Variants in SPRYD3 observed in about 807,000 individuals in gnomAD.
SPRYD3 encodes the protein SPRY domain-containing protein 3.
In SPRYD3, 17 loss-of-function variants were observed where a neutral mutation model predicts 50.1. That is an observed-to-expected ratio of 0.34 (90% CI 0.23 to 0.51). The LOEUF (loss-of-function observed/expected upper bound fraction) is 0.51, where lower values mean the gene tolerates loss of function less well. Among genes scored for constraint, SPRYD3 ranks in the 20% least tolerant of loss-of-function variants. The pLI is 0.97. For synonymous variants in SPRYD3, 198 were observed against 215.5 expected (o/e 0.92, Z 0.71); for missense variants, 401 against 591.2 (o/e 0.68, Z 3.34).
Position 53,079,292 on chromosome 12 carries a change from G to GC in SPRYD3, c.23+18dup. On this transcript the variant is annotated intron_variant, in intron 1 of 10. Transcript: ENST00000301463. Reference sequence around the variant, plus strand: ...GGAGATACGAGGCCTCCGGGACCCCGCCCCCGATCCCCGCCTACCGGGGCC... The same window carrying GC: ...GGAGATACGAGGCCTCCGGGACCCCGCCCCCCGATCCCCGCCTACCGGGGCC... 6.3e-7 allele frequency: 1 copy of GC among 1,596,772 alleles called. No individual in the cohort carries two copies. Among genetic ancestry groups the GC allele is most frequent in the South Asian group, 1.1e-5 (1 of 89,614 alleles).
chr12:53,070,408 A>G (rs1374814951), intron 6 of SPRYD3, among the ~76,000 whole-genome samples: 1 of 152,200 alleles, frequency 6.6e-6, no homozygotes, highest in Non-Finnish European at 1.5e-5. Context: ...TCCTTGGTCT[A>G]TAGCTGTTAG....
intron 10 of SPRYD3, 99 bp from the exon 11 acceptor site, chr12:53,066,065 T>G: frequency 6.8e-7 from 1 of 1,479,468 alleles, no homozygotes; most frequent in Non-Finnish European, 9.2e-7. Flanking sequence ...CACCCCAGCT[T>G]CCAGCGGGGC....
At chr12:53,066,508 G>C (rs1565616557) in intron 9 of SPRYD3, 22 bp from the exon 10 acceptor site, 1 of 1,613,642 alleles carries the variant, frequency 6.2e-7, no homozygotes, top group Admixed American at 1.7e-5. Context: ...GGAAACCTGA[G>C]CTCCTGTGGT....
chr12:53,075,098 C>T lies in SPRYD3; in HGVS notation c.368G>A (p.Gly123Asp), dbSNP rs932007365. 3.1e-6 allele frequency: 5 copies of T among 1,611,672 alleles called. No individual in the cohort carries two copies. The highest frequency in any genetic ancestry group is 4.2e-6 in the Non-Finnish European group (5 of 1,178,024). ...GGTTGCACAGGAGCCAACTCACTTGCCATCATCAGCATGGTAGGCTACAGA... is the reference window on the plus strand; with the variant it reads ...GGTTGCACAGGAGCCAACTCACTTGTCATCATCAGCATGGTAGGCTACAGA... Reference protein sequence around the residue: ...PDSVAYHADDGKLYNGRAKGR... With the variant: ...PDSVAYHADDDKLYNGRAKGR... The change falls in exon 4 of 11, where the codon GGC becomes GAC. Residue 123 changes from glycine to aspartate, a missense_variant. By Grantham distance (94) the Gly-to-Asp change is moderately conservative. Coordinates refer to ENST00000301463, the MANE Select transcript of SPRYD3 (RefSeq NM_032840.3).
chr12:53,074,263 T>C lies in SPRYD3; in HGVS notation c.507+386A>G, dbSNP rs1389877929. Among the ~76,000 whole-genome samples the C allele has an allele frequency of 6.6e-6, 1 of 152,168 alleles. No individual in the cohort carries two copies. The highest frequency in any genetic ancestry group is 6.5e-5 in the Admixed American group (1 of 15,282). On this transcript the variant is annotated intron_variant, in intron 5 of 10. Transcript: ENST00000301463. This position sits in a 1 kb window ranked among gnomAD's most constrained non-coding sequence, Gnocchi z 4.6. ...AGGAAAACAGGACACAGAAAGGACA[T>C]ATCCCCAAAAGTGCTCAAGTCAAAA...
rs1944576303 is a variant in SPRYD3 at position 53,074,778 on chromosome 12, G to A, written c.378C>T (p.Tyr126=). The part of the protein sequence containing the change: ...VAYHADDGKL[Y]NGRAKGRQFG... Reference sequence around the variant, plus strand: ...ACTGGCGGCCCTTGGCTCGGCCATTGTACAGCCTACAGACAGAGTAGTACA... The same window carrying A: ...ACTGGCGGCCCTTGGCTCGGCCATTATACAGCCTACAGACAGAGTAGTACA... The change falls in exon 5 of 11, where the codon TAC becomes TAT. Residue 126 remains tyrosine (Y), a synonymous_variant. Transcript: ENST00000301463. The surrounding 1 kb of genome is among the most constrained non-coding windows in gnomAD (Gnocchi z 4.6). The A allele has an allele frequency of 1.2e-6, 2 of 1,614,082 alleles. No individual in the cohort carries two copies. Among genetic ancestry groups the A allele is most frequent in the South Asian group, 1.1e-5 (1 of 91,090 alleles).
intron 6 of SPRYD3, 22 bp from the exon 7 acceptor site, chr12:53,068,326 G>C (rs1403735236): frequency 1.9e-6 from 3 of 1,612,564 alleles, no homozygotes; most frequent in Non-Finnish European, 2.5e-6. Context: ...GAGCCAGATG[G>C]GGGTCAGGGG....
chr12:53,073,360 C>T lies in SPRYD3; in HGVS notation c.619G>A (p.Asp207Asn), dbSNP rs1334423694. 8.2e-6 allele frequency: 13 copies of T among 1,593,952 alleles called. No individual in the cohort carries two copies. Among genetic ancestry groups the T allele is most frequent in the African/African-American group, 1.3e-5 (1 of 74,348 alleles). Residue 207 changes from aspartate (D) to asparagine (N), a missense_variant, in exon 6 of 11, where the codon GAC becomes AAC. Asp to Asn is a conservative substitution (Grantham distance 23). Coordinates refer to ENST00000301463, the MANE Select transcript of SPRYD3 (RefSeq NM_032840.3). ...LHLNAELGREDDSVMMVDSYE... is the reference protein window; with the variant it reads ...LHLNAELGRENDSVMMVDSYE... The stretch of plus-strand genomic sequence containing the variant: ...CTGTCCACCATCATGACGCTGTCGT[C>T]CTCACGGCCCAGCTCAGCGTTGAGG...
intron 6 of SPRYD3, among the ~76,000 whole-genome samples, chr12:53,072,155 G>A (rs1944554439): frequency 6.6e-6 from 1 of 152,172 alleles, no homozygotes; most frequent in African/African-American, 2.4e-5. Context: ...CTCTGTAGAT[G>A]TTGTCAGAAT....
At position 53,075,208 on chromosome 12, in the gene SPRYD3, C is replaced by T; in HGVS notation, c.258G>A (p.Val86=). Residue 86 remains valine (V), a synonymous_variant, in exon 4 of 11, where the codon GTG becomes GTA. Coordinates refer to ENST00000301463, the MANE Select transcript of SPRYD3 (RefSeq NM_032840.3). The part of the protein sequence containing the change: ...KDSNYFEVSI[V]DSGVRGTIAV... ...CAATGGTGCCCCGGACTCCACTGTC[C>T]ACAATAGACACCTGGAGAGAAGAAA... 1 of 1,605,958 alleles carries T rather than the reference C, an allele frequency of 6.2e-7. No individual in the cohort carries two copies. The highest frequency in any genetic ancestry group is 1.1e-5 in the South Asian group (1 of 90,934).
At chr12:53,066,042 C>T in intron 10 of SPRYD3, 76 bp from the exon 11 acceptor site, 3 of 1,536,380 alleles carry the variant, frequency 2.0e-6, no homozygotes, top group Non-Finnish European at 2.7e-6. Flanking sequence ...GCTCCACAGG[C>T]CTGAACCCCA....
chr12:53,073,255 A>AGGCCCCGGGGGGG, intron 6 of SPRYD3, 31 bp downstream of exon 6: 2 of 383,666 alleles, frequency 5.2e-6, no homozygotes, highest in East Asian at 4.4e-5. Context: ...CCTCCGACCC[A>AGGCCCCGGGGGGG]GCCCCTCCCA....
chr12:53,079,049 C>T (rs1367227567), intron 1 of SPRYD3, among the ~76,000 whole-genome samples: 1 of 152,212 alleles, frequency 6.6e-6, no homozygotes, highest in African/African-American at 2.4e-5. Flanking sequence ...GGCGGCCCTA[C>T]TGGGCCCTGT....
At chr12:53,066,053 A>G in intron 10 of SPRYD3, 87 bp from the exon 11 acceptor site, 5 of 1,509,556 alleles carry the variant, frequency 3.3e-6, no homozygotes, top group South Asian at 1.2e-5. Context: ...CTGAACCCCA[A>G]TCACCCCAGC....
chr12:53,079,284 G>A, intron 1 of SPRYD3, 27 bp downstream of exon 1: 1 of 1,597,946 alleles, frequency 6.3e-7, no homozygotes, highest in Non-Finnish European at 8.5e-7. Context: ...CGAGGCCTCC[G>A]GGACCCCGCC....
At chr12:53,073,256 G>GCCCCGGGGGGGGGGGGGGC in intron 6 of SPRYD3, 30 bp downstream of exon 6, 1 of 424,134 alleles carries the variant, frequency 2.4e-6, no homozygotes. Flanking sequence ...CTCCGACCCA[G>GCCCCGGGGGGGGGGGGGGC]CCCCTCCCAC....
intron 1 of SPRYD3, 67 bp from the exon 2 acceptor site, chr12:53,077,328 C>T (rs1160048588): frequency 6.3e-7 from 1 of 1,575,818 alleles, no homozygotes; most frequent in South Asian, 1.1e-5. Context: ...GCCTCTGTGA[C>T]CCAGAAGGTA....
At position 53,064,799 on chromosome 12, in the gene SPRYD3, C is replaced by T. The variant is rs1944487028; in HGVS notation, c.*1033G>A. 6.5e-6 allele frequency: 1 copy of T among 152,990 alleles called. No homozygotes were observed. Among genetic ancestry groups the T allele is most frequent in the African/African-American group, 2.4e-5 (1 of 41,450 alleles). The allele number at this position is 152,990 out of a possible 1,614,324, so 9.5% of individuals were successfully genotyped here. A position where few individuals can be genotyped will look rare whatever the true frequency, so the allele number is the denominator to read the frequency against. The stretch of plus-strand genomic sequence containing the variant: ...TGCCTCTTCCTCCCTGGAAAAGTCA[C>T]TGTTACGGGGAGGGGGCCAGGGGTT... On this transcript the variant is annotated 3_prime_UTR_variant, in exon 11 of 11. Coordinates refer to ENST00000301463, the MANE Select transcript of SPRYD3 (RefSeq NM_032840.3).
chr12:53,069,509 G>C (rs553572207), intron 6 of SPRYD3, among the ~76,000 whole-genome samples: 27 of 152,342 alleles, frequency 1.8e-4, no homozygotes, highest in Non-Finnish European at 3.5e-4. Flanking sequence ...CAGGTGCTTA[G>C]AGCGGGGTGC....
Sources: allele counts gnomAD v4.1 joint callset (sites outside exome capture counted in the v4.1 genomes callset), GRCh38; gene constraint gnomAD v4.1.1; non-coding constraint Gnocchi (gnomAD v3.1); transcripts MANE v1.5; gene names NCBI Gene and HGNC (gene_info 2026-07-23, HGNC 2026-07-21).